The following DCC variants were observed in gnomAD, a reference collection of about 807,000 sequenced individuals.
The protein encoded by DCC is netrin receptor DCC.
A neutral mutation model predicts 172.5 loss-of-function variants in DCC; 58 were observed. The observed-to-expected ratio is 0.34, with a 90% CI of 0.27 to 0.42. The LOEUF (loss-of-function observed/expected upper bound fraction) is 0.42, where lower values mean the gene tolerates loss of function less well. Among genes scored for constraint, DCC ranks in the 10% least tolerant of loss-of-function variants. The probability of loss-of-function intolerance (pLI) is 1.00; values close to 1 mark genes in which losing one functional copy is unlikely to be tolerated. For missense variants in DCC, 1,740 were observed against 1,791.0 expected (o/e 0.97, Z 0.51); for synonymous variants, 709 against 644.5 (o/e 1.10, Z -1.52).
chr18:52,841,909 T>C (rs1181677317), intron 2 of DCC, among the ~76,000 whole-genome samples: 1 of 152,060 alleles, frequency 6.6e-6, no homozygotes. Flanking sequence ...AACATGTTAA[T>C]ACTATAACTG....
At chr18:52,444,818 A>C (rs1020349582) in intron 1 of DCC, among the ~76,000 whole-genome samples, 9 of 152,122 alleles carry the variant, frequency 5.9e-5, no homozygotes, top group African/African-American at 1.9e-4. Flanking sequence ...AGAGAGAGAG[A>C]GCGCTTGACT....
chr18:52,738,548 G>T (rs944655284), intron 1 of DCC, among the ~76,000 whole-genome samples: 1 of 152,152 alleles, frequency 6.6e-6, no homozygotes, highest in Admixed American at 6.5e-5. Context: ...AGGATGAGAA[G>T]TGAGTCAATG....
intron 7 of DCC, among the ~76,000 whole-genome samples, chr18:53,096,216 A>G (rs1340712403): frequency 6.6e-6 from 1 of 152,106 alleles, no homozygotes; most frequent in Non-Finnish European, 1.5e-5. Context: ...CTGCAAGTCT[A>G]TAGTCCTAGC....
intron 5 of DCC, among the ~76,000 whole-genome samples, chr18:53,038,666 AC>A (rs1489553298): frequency 7.5e-6 from 1 of 132,484 alleles, no homozygotes; most frequent in Non-Finnish European, 1.8e-5. Flanking sequence ...TTCCATGACC[AC>A]TAAGTGTTTA....
rs552761387 is a variant in DCC at position 52,704,436 on chromosome 18, G to T, written c.92-47618G>T. Among the ~76,000 whole-genome samples the T allele has an allele frequency of 2.2e-4, 33 of 152,178 alleles. No homozygotes were observed. In the East Asian group the frequency reaches 6.2e-3, roughly 28 times the overall value. ...AATCACTGTAATTTTTGCACACATG[G>T]TAATTTTTTAAAGAAAATTATATAC... On this transcript the variant is annotated intron_variant, in intron 1 of 28. Coordinates refer to ENST00000442544, the MANE Select transcript of DCC (RefSeq NM_005215.4).
At chr18:52,666,116 GTC>G (rs1194122464) in intron 1 of DCC, among the ~76,000 whole-genome samples, 1 of 152,004 alleles carries the variant, frequency 6.6e-6, no homozygotes, top group Non-Finnish European at 1.5e-5. Flanking sequence ...GTGAAACCCT[GTC>G]TCTAATAAAA....
intron 15 of DCC, among the ~76,000 whole-genome samples, chr18:53,360,283 A>G (rs1282871366): frequency 6.6e-6 from 1 of 152,172 alleles, no homozygotes; most frequent in Non-Finnish European, 1.5e-5. Context: ...AGACAGCAAT[A>G]GAATAGAGTT....
chr18:52,826,021 C>A (rs895326101), intron 2 of DCC, among the ~76,000 whole-genome samples: 3 of 152,214 alleles, frequency 2.0e-5, no homozygotes, highest in African/African-American at 7.2e-5. Context: ...CTTCCACAAG[C>A]TGTCCTTAAA....
chr18:53,288,761 A>G (rs1363508888), intron 12 of DCC, among the ~76,000 whole-genome samples: 1 of 152,162 alleles, frequency 6.6e-6, no homozygotes, highest in African/African-American at 2.4e-5. Context: ...TTAAGTTGGA[A>G]TAAGTTGGGA....
chr18:53,511,698 C>G lies in DCC; in HGVS notation c.4111+12188C>G, dbSNP rs112046673. 5.0e-3 allele frequency among the ~76,000 whole-genome samples: 754 copies of G among 152,286 alleles called. 5 individuals carry two copies. The highest frequency in any genetic ancestry group is 6.8e-3 in the Middle Eastern group (2 of 294). On this transcript the variant is annotated intron_variant, in intron 27 of 28. Coordinates refer to ENST00000442544, the MANE Select transcript of DCC (RefSeq NM_005215.4). ...CTTTCCGAGTCAAAGAAAGGGGTGA[C>G]GGACGGCACCTGGAAAATCGGGTCA... is the stretch of plus-strand genomic sequence containing the variant.
chr18:52,582,990 A>C (rs976849390), intron 1 of DCC, among the ~76,000 whole-genome samples: 1 of 152,202 alleles, frequency 6.6e-6, no homozygotes, highest in Non-Finnish European at 1.5e-5. Flanking sequence ...ACTAGCTTTG[A>C]GAATATAATC....
intron 5 of DCC, among the ~76,000 whole-genome samples, chr18:52,973,694 C>CA (rs1439842091): frequency 1.3e-5 from 2 of 152,108 alleles, no homozygotes; most frequent in East Asian, 3.9e-4. Context: ...AGAAAGGTAC[C>CA]ATCTTTACTA....
chr18:52,666,984 C>A (rs1047245870), intron 1 of DCC, among the ~76,000 whole-genome samples: 3 of 151,812 alleles, frequency 2.0e-5, no homozygotes, highest in Admixed American at 6.6e-5. Context: ...CTAATAAGAA[C>A]GAAATTGAAT....
chr18:53,509,061 C>A (rs117938019), intron 27 of DCC, among the ~76,000 whole-genome samples: 2 of 152,290 alleles, frequency 1.3e-5, no homozygotes, highest in Non-Finnish European at 1.5e-5. Flanking sequence ...CACAATGGAC[C>A]AATTTAATGT....
At chr18:53,177,410 G>A (rs904456371) in intron 8 of DCC, among the ~76,000 whole-genome samples, 2 of 152,140 alleles carry the variant, frequency 1.3e-5, no homozygotes, top group Non-Finnish European at 2.9e-5. Context: ...CAGCCACTCA[G>A]GGTGCATATT....
chr18:53,085,848 T>C (rs2042871449), intron 7 of DCC, among the ~76,000 whole-genome samples: 1 of 151,662 alleles, frequency 6.6e-6, no homozygotes, highest in Non-Finnish European at 1.5e-5. Context: ...TATTATGGTC[T>C]CAGTAATTGT....
intron 26 of DCC, 101 bp downstream of exon 26, chr18:53,487,059 T>A: frequency 6.8e-7 from 1 of 1,466,506 alleles, no homozygotes; most frequent in Non-Finnish European, 9.4e-7. Context: ...GAAAAGTTGA[T>A]TTCCCTATGA....
intron 1 of DCC, among the ~76,000 whole-genome samples, chr18:52,510,874 T>C (rs1568205368): frequency 6.6e-6 from 1 of 152,086 alleles, no homozygotes; most frequent in Admixed American, 6.6e-5. Flanking sequence ...TCTTAAATGA[T>C]CCCTGAGAGA....
At chr18:52,832,835 C>A (rs1415905635) in intron 2 of DCC, among the ~76,000 whole-genome samples, 1 of 152,128 alleles carries the variant, frequency 6.6e-6, no homozygotes, top group African/African-American at 2.4e-5. Context: ...CTTATAAAAT[C>A]TTTTCATTAC....
Sources: gnomAD v4.1 joint callset for allele counts (sites outside exome capture counted in the v4.1 genomes callset) on GRCh38, gnomAD v4.1.1 for gene constraint, MANE v1.5 for transcripts, NCBI Gene and HGNC (gene_info 2026-07-23, HGNC 2026-07-21) for gene names.